LCLAT1: variants seen among roughly 807,000 people sequenced by gnomAD.
LCLAT1 encodes the protein lysocardiolipin acyltransferase 1.
In LCLAT1, 11 loss-of-function variants were observed where a neutral mutation model predicts 30.7. The observed-to-expected ratio is 0.36, with a 90% CI of 0.23 to 0.59. The LOEUF (loss-of-function observed/expected upper bound fraction) is 0.59, where lower values mean the gene tolerates loss of function less well. LCLAT1 is among the 20% of genes least tolerant of loss of function. The pLI, the probability that LCLAT1 is intolerant of heterozygous loss-of-function variation, is 0.77. For synonymous variants in LCLAT1, 155 were observed against 151.3 expected (o/e 1.02, Z -0.18); for missense variants, 402 against 458.6 (o/e 0.88, Z 1.13).
chr2:30,563,318 C>T (rs972628641), intron 4 of LCLAT1, among the ~76,000 whole-genome samples: 2 of 152,064 alleles, frequency 1.3e-5, no homozygotes, highest in African/African-American at 4.8e-5. Context: ...ACTTTTTAAA[C>T]CATGGATTAT....
At chr2:30,620,845 C>G (rs781389885) in intron 5 of LCLAT1, among the ~76,000 whole-genome samples, 10 of 152,060 alleles carry the variant, frequency 6.6e-5, no homozygotes, top group Non-Finnish European at 8.8e-5. Context: ...GTCCACAAAC[C>G]CCTCCCATGG....
At chr2:30,620,975 G>C (rs1265209102) in intron 5 of LCLAT1, among the ~76,000 whole-genome samples, 4 of 152,000 alleles carry the variant, frequency 2.6e-5, no homozygotes, top group African/African-American at 7.2e-5. Flanking sequence ...ATATGTAAAG[G>C]CTTTTTTTGG....
intron 5 of LCLAT1, among the ~76,000 whole-genome samples, chr2:30,590,283 A>G (rs943894734): frequency 1.3e-5 from 2 of 151,224 alleles, no homozygotes; most frequent in East Asian, 1.9e-4. Flanking sequence ...TTAAACTTCC[A>G]TCATTGACTT....
intron 1 of LCLAT1, among the ~76,000 whole-genome samples, chr2:30,467,812 T>G (rs1272305139): frequency 2.0e-5 from 3 of 152,366 alleles, no homozygotes; most frequent in African/African-American, 7.2e-5. Context: ...TAAATTTGTT[T>G]GAGTTCTTTG....
intron 1 of LCLAT1, among the ~76,000 whole-genome samples, chr2:30,482,281 G>C (rs1438202832): frequency 6.6e-6 from 1 of 152,112 alleles, no homozygotes; most frequent in African/African-American, 2.4e-5. Flanking sequence ...ATTTTAATCA[G>C]TGTAGGTTAG....
chr2:30,587,363 TTCTC>T (rs1190903718), intron 5 of LCLAT1, among the ~76,000 whole-genome samples: 9 of 152,266 alleles, frequency 5.9e-5, no homozygotes, highest in Non-Finnish European at 1.0e-4. Context: ...CGCAACATCT[TTCTC>T]ATGCGGTTAC....
rs538300016 is a variant in LCLAT1, at chr2:30,500,951, C to T, written c.-4-24636C>T. On this transcript the variant is annotated intron_variant, in intron 1 of 5. Transcript: ENST00000379509. ...AGAGAACTGAAACTTACCAAATCAC[C>T]GTATCTGGACAATGAGACACCAGCC... Among the ~76,000 whole-genome samples the T allele has an allele frequency of 4.6e-5, 7 of 152,154 alleles. No individual in the cohort carries two copies. The South Asian group carries it at 8.3e-4, about 18-fold the overall frequency.
chr2:30,451,399 A>G (rs995683282), intron 1 of LCLAT1, among the ~76,000 whole-genome samples: 4 of 152,252 alleles, frequency 2.6e-5, no homozygotes, highest in Non-Finnish European at 2.9e-5. Flanking sequence ...TTGCATTCCT[A>G]GGTATACTCA....
chr2:30,511,354 C>T (rs994453513), intron 1 of LCLAT1, among the ~76,000 whole-genome samples: 1 of 152,208 alleles, frequency 6.6e-6, no homozygotes, highest in African/African-American at 2.4e-5. Context: ...CCTGGTCAGA[C>T]ATCCCAGAGA....
chr2:30,495,375 A>G (rs829650), intron 1 of LCLAT1, among the ~76,000 whole-genome samples: 33,826 of 152,040 alleles, frequency 0.22, 3,851 homozygotes, highest in East Asian at 0.35. Context: ...CCCCCCTTTC[A>G]TAATAAATAT....
At position 30,458,378 on chromosome 2, in the gene LCLAT1, A is replaced by G. The variant is rs558078565; in HGVS notation, c.-5+10995A>G. On this transcript the variant is annotated intron_variant, in intron 1 of 5. Transcript: ENST00000379509. ...CAATTTGGAGGGTGGATCTTGATAG[A>G]CAGAAGGCTTTAGTGCTGCCAAGGA... Among the ~76,000 whole-genome samples, 14 of 152,286 alleles carry G rather than the reference A, an allele frequency of 9.2e-5. No homozygotes were observed. The South Asian group carries it at 2.9e-3, about 32-fold the overall frequency.
intron 1 of LCLAT1, among the ~76,000 whole-genome samples, chr2:30,496,431 G>A (rs1037723765): frequency 6.6e-5 from 10 of 152,140 alleles, no homozygotes; most frequent in African/African-American, 1.7e-4. Context: ...TCTTTCTTCC[G>A]GGTACTGTAT....
chr2:30,553,296 T>C (rs988359089), intron 3 of LCLAT1, among the ~76,000 whole-genome samples: 3 of 152,158 alleles, frequency 2.0e-5, no homozygotes, highest in African/African-American at 7.2e-5. Context: ...CAAAACTAGG[T>C]TCTAAAATGA....
intron 1 of LCLAT1, among the ~76,000 whole-genome samples, chr2:30,503,304 G>C (rs925125212): frequency 6.6e-6 from 1 of 152,174 alleles, no homozygotes; most frequent in Non-Finnish European, 1.5e-5. Flanking sequence ...GTTGTGACCA[G>C]AAAACAAGTC....
chr2:30,516,941 G>A (rs551445816), intron 1 of LCLAT1, among the ~76,000 whole-genome samples: 3 of 152,288 alleles, frequency 2.0e-5, no homozygotes, highest in East Asian at 1.9e-4. Context: ...ACCAGCTTCC[G>A]CTTTTACAAT....
At chr2:30,636,099 T>G (rs1448568911) in intron 5 of LCLAT1, among the ~76,000 whole-genome samples, 1 of 152,176 alleles carries the variant, frequency 6.6e-6, no homozygotes, top group African/African-American at 2.4e-5. Context: ...ACAAGCTTCT[T>G]CTTAGAACCC....
intron 2 of LCLAT1, among the ~76,000 whole-genome samples, chr2:30,530,050 A>G (rs909155824): frequency 6.6e-6 from 1 of 152,240 alleles, no homozygotes; most frequent in Non-Finnish European, 1.5e-5. Context: ...GGACATAGTA[A>G]GTAGTGGTAT....
At chr2:30,581,486 C>A (rs1666211091) in intron 5 of LCLAT1, among the ~76,000 whole-genome samples, 1 of 152,088 alleles carries the variant, frequency 6.6e-6, no homozygotes, top group Non-Finnish European at 1.5e-5. Flanking sequence ...TAATAATAGC[C>A]AGGATATGTA....
chr2:30,570,438 C>T (rs1340196751), intron 5 of LCLAT1, among the ~76,000 whole-genome samples: 1 of 152,122 alleles, frequency 6.6e-6, no homozygotes, highest in Non-Finnish European at 1.5e-5. Context: ...TACTATGTAC[C>T]TGGCATTATG....
Sources: gnomAD v4.1 joint callset for allele counts (sites outside exome capture counted in the v4.1 genomes callset) on GRCh38, gnomAD v4.1.1 for gene constraint, MANE v1.5 for transcripts, NCBI Gene and HGNC (gene_info 2026-07-23, HGNC 2026-07-21) for gene names.